FAT3: variants seen among roughly 807,000 people sequenced by gnomAD.
The protein encoded by FAT3 is protocadherin Fat 3.
In FAT3, 95 loss-of-function variants were observed where a neutral mutation model predicts 310.2. The observed-to-expected ratio is 0.31, with a 90% CI of 0.26 to 0.36. The LOEUF is 0.36. FAT3 is among the 10% of genes least tolerant of loss of function. The pLI is 1.00. For synonymous variants in FAT3, 2,314 were observed against 2,192.9 expected, an observed-to-expected ratio of 1.06 and a Z score of -1.54; for missense variants, 5,408 against 5,715.6, an observed-to-expected ratio of 0.95 and a Z score of 1.74.
chr11:92,433,205 G>A (rs1009904400), intron 2 of FAT3, among the ~76,000 whole-genome samples: 1 of 152,176 alleles, frequency 6.6e-6, no homozygotes, highest in Non-Finnish European at 1.5e-5. Flanking sequence ...AAGACCACTT[G>A]GCTCCCTGGC....
chr11:92,233,585 T>A (rs147968347), intron 1 of FAT3, among the ~76,000 whole-genome samples: 6 of 152,302 alleles, frequency 3.9e-5, no homozygotes, highest in Non-Finnish European at 8.8e-5. Flanking sequence ...TCGTAATGTA[T>A]GTGTGATCCT....
At chr11:92,826,252 A>T (rs1033958565) in intron 13 of FAT3, among the ~76,000 whole-genome samples, 1 of 152,220 alleles carries the variant, frequency 6.6e-6, no homozygotes, top group Admixed American at 6.5e-5. Context: ...CAAGAACCCA[A>T]GCTTTGTTGA....
rs574164853 is a variant in FAT3 at position 92,614,327 on chromosome 11, T to G, written c.3608-83057T>G. The stretch of plus-strand genomic sequence containing the variant: ...TTAACATTCTAAGTAACTGCCAGAC[T>G]ATTTTGCAAAGGTGCTGGACCTTCT... On this transcript the variant is annotated intron_variant, in intron 3 of 27. Transcript: ENST00000525166. Among the ~76,000 whole-genome samples, 21 of 152,336 alleles carry G rather than the reference T, an allele frequency of 1.4e-4. No homozygotes were observed. In the South Asian group the frequency reaches 4.1e-3, roughly 30 times the overall value.
chr11:92,489,604 CA>C (rs1565356276), intron 2 of FAT3, among the ~76,000 whole-genome samples: 1 of 151,968 alleles, frequency 6.6e-6, no homozygotes, highest in Non-Finnish European at 1.5e-5. Context: ...CAAAAAAAAG[CA>C]AAACATCTTT....
chr11:92,742,863 G>C (rs1945547346), intron 4 of FAT3, among the ~76,000 whole-genome samples: 1 of 152,162 alleles, frequency 6.6e-6, no homozygotes, highest in Admixed American at 6.5e-5. Flanking sequence ...GCACATTGGA[G>C]GCACTGTAAA....
chr11:92,805,960 A>C (rs1428369143), intron 11 of FAT3, among the ~76,000 whole-genome samples: 3 of 152,242 alleles, frequency 2.0e-5, no homozygotes, highest in Non-Finnish European at 4.4e-5. Context: ...TACTAATGCC[A>C]AATGCTGGTA....
intron 3 of FAT3, among the ~76,000 whole-genome samples, chr11:92,695,719 A>G (rs940099951): frequency 6.6e-6 from 1 of 152,184 alleles, no homozygotes; most frequent in East Asian, 1.9e-4. Context: ...TTCCGAATCA[A>G]AAGACAGGCC....
At chr11:92,826,801 T>A (rs534736001) in intron 13 of FAT3, among the ~76,000 whole-genome samples, 70 of 152,222 alleles carry the variant, frequency 4.6e-4, no homozygotes, top group African/African-American at 1.7e-3. Flanking sequence ...GCAGGCTAGA[T>A]CCCGTGCAGG....
At chr11:92,666,941 A>G (rs900901101) in intron 3 of FAT3, among the ~76,000 whole-genome samples, 2 of 152,166 alleles carry the variant, frequency 1.3e-5, no homozygotes, top group Non-Finnish European at 2.9e-5. Flanking sequence ...GCAAGGCATA[A>G]TCATGTGAGT....
intron 2 of FAT3, among the ~76,000 whole-genome samples, chr11:92,415,446 A>T (rs1020009134): frequency 3.9e-5 from 6 of 152,166 alleles, no homozygotes; most frequent in African/African-American, 1.4e-4. Context: ...GCTTCAGGCC[A>T]TTAGCTAATC....
At position 92,844,406 on chromosome 11, in the gene FAT3, A is replaced by G. The variant is rs183007221; in HGVS notation, c.11039A>G (p.Gln3680Arg). 5 of 1,613,878 alleles carry G rather than the reference A, an allele frequency of 3.1e-6. No homozygotes were observed. In the African/African-American group the frequency reaches 5.3e-5, roughly 17 times the overall value. ...RRTLRNAVLT[Q>R]KQDSLRIISI... is the part of the protein sequence containing the mutation. ...ACCCTGCGGAATGCAGTCCTCACCCAGAAGCAGGACAGCCTGCGCATCATC... is the reference window on the plus strand; with the variant it reads ...ACCCTGCGGAATGCAGTCCTCACCCGGAAGCAGGACAGCCTGCGCATCATC... Residue 3680 changes from glutamine to arginine, a missense_variant, in exon 19 of 28, where the codon CAG becomes CGG. Transcript: ENST00000525166.
At chr11:92,590,080 C>T (rs1939351021) in intron 3 of FAT3, among the ~76,000 whole-genome samples, 1 of 152,070 alleles carries the variant, frequency 6.6e-6, no homozygotes, top group South Asian at 2.1e-4. Context: ...AATAAGTTTT[C>T]TCCACGAAAC....
chr11:92,435,330 A>G (rs1172947341), intron 2 of FAT3, among the ~76,000 whole-genome samples: 1 of 152,174 alleles, frequency 6.6e-6, no homozygotes, highest in Non-Finnish European at 1.5e-5. Context: ...CTTTTCCCTG[A>G]TGTCTTTTCT....
rs992301980 is a variant in FAT3 at position 92,896,133 on chromosome 11, G to C, written c.*5020G>C. The C allele has an allele frequency of 8.6e-5, 13 of 151,902 alleles. No individual in the cohort carries two copies. The highest frequency in any genetic ancestry group is 1.5e-4 in the Non-Finnish European group (10 of 67,986). The allele number at this position is 151,902 out of a possible 1,614,324, so 9.4% of individuals were successfully genotyped here. A position where few individuals can be genotyped will look rare whatever the true frequency, so the allele number is the denominator to read the frequency against. ...TTATGCAATTTCAGAATCACAATGA[G>C]GTATGCCATTTCTTCATATACATGC... On this transcript the variant is annotated 3_prime_UTR_variant, in exon 28 of 28. Transcript: ENST00000525166.
chr11:92,671,050 T>G (rs1376031916), intron 3 of FAT3, among the ~76,000 whole-genome samples: 1 of 151,956 alleles, frequency 6.6e-6, no homozygotes, highest in Non-Finnish European at 1.5e-5. Context: ...TTTTTGTTTT[T>G]TGTTTTTTTT....
intron 1 of FAT3, among the ~76,000 whole-genome samples, chr11:92,300,135 ATG>A (rs1401684640): frequency 6.6e-6 from 1 of 152,142 alleles, no homozygotes; most frequent in Non-Finnish European, 1.5e-5. Context: ...TTAAGTGCAT[ATG>A]TGTTACAAGA....
chr11:92,778,060 T>G (rs1407102216), intron 7 of FAT3, among the ~76,000 whole-genome samples: 2 of 152,060 alleles, frequency 1.3e-5, no homozygotes, highest in Non-Finnish European at 2.9e-5. Context: ...CTGGATACTT[T>G]CTGACTTATC....
intron 3 of FAT3, among the ~76,000 whole-genome samples, chr11:92,541,537 G>C (rs1954448207): frequency 6.6e-6 from 1 of 152,134 alleles, no homozygotes; most frequent in African/African-American, 2.4e-5. Flanking sequence ...AATTCACATA[G>C]TACTAGAAAT....
chr11:92,735,195 A>G (rs1201838080), intron 4 of FAT3, among the ~76,000 whole-genome samples: 1 of 152,054 alleles, frequency 6.6e-6, no homozygotes, highest in African/African-American at 2.4e-5. Flanking sequence ...GCTCTTCTTG[A>G]TTGTTTGCTT....
Sources: gnomAD v4.1 joint callset for allele counts (sites outside exome capture counted in the v4.1 genomes callset) on GRCh38, gnomAD v4.1.1 for gene constraint, MANE v1.5 for transcripts, NCBI Gene and HGNC (gene_info 2026-07-23, HGNC 2026-07-21) for gene names.